The following PEAK1 variants were observed in gnomAD, a reference collection of about 807,000 sequenced individuals.
The protein encoded by PEAK1 is pseudopodium enriched atypical kinase 1.
PEAK1 carries 54 observed loss-of-function variants against 124.7 expected under a neutral mutation model. The observed-to-expected ratio is 0.43, with a 90% CI of 0.35 to 0.54. The LOEUF is 0.54. Ranked by LOEUF, PEAK1 falls within the 20% of genes least tolerant of loss-of-function variation. PEAK1 has a pLI of 0.01. For synonymous variants in PEAK1, 719 were observed against 760.0 expected (o/e 0.95, Z 0.89); for missense variants, 2,046 against 2,134.5 (o/e 0.96, Z 0.82).
At chr15:77,413,960 C>G (rs942146436) in intron 1 of PEAK1, among the ~76,000 whole-genome samples, 2 of 151,168 alleles carry the variant, frequency 1.3e-5, no homozygotes, top group African/African-American at 2.4e-5. Context: ...AGTAGCTAGG[C>G]CCACAGGCAC....
At chr15:77,132,012 C>T (rs1039158351) in intron 9 of PEAK1, among the ~76,000 whole-genome samples, 3 of 152,146 alleles carry the variant, frequency 2.0e-5, no homozygotes, top group Non-Finnish European at 2.9e-5. Context: ...AAGACAGAAA[C>T]ATGCAGTGAA....
In PEAK1 at chr15:77,180,411, T is replaced by A. The variant is rs763313941; in HGVS notation, c.1516A>T (p.Asn506Tyr). The A allele has an allele frequency of 2.5e-6, 4 of 1,613,940 alleles. No homozygotes were observed. The African/African-American group carries it at 5.3e-5, about 22-fold the overall frequency. The change falls in exon 7 of 10, where the codon AAC becomes TAC. Residue 506 changes from asparagine (N) to tyrosine (Y), a missense_variant. Asn to Tyr is a moderately radical substitution (Grantham distance 143). Coordinates refer to ENST00000682557, the MANE Select transcript of PEAK1 (RefSeq NM_001385026.1). ...AATGAAGATGATGTAACTGGAGAGT[T>A]TGGAGTAGAGGATGAGCTTTTTGTC... ...PKTKSSSSTP[N>Y]SPVTSSSLTP... is the part of the protein sequence containing the mutation.
At chr15:77,343,123 CTTG>C (rs982899991) in intron 2 of PEAK1, among the ~76,000 whole-genome samples, 1 of 152,188 alleles carries the variant, frequency 6.6e-6, no homozygotes, top group African/African-American at 2.4e-5. Context: ...CTTGCCAATA[CTTG>C]TTTTCTGTTT....
At chr15:77,291,716 G>A (rs2063219565) in intron 2 of PEAK1, among the ~76,000 whole-genome samples, 1 of 152,026 alleles carries the variant, frequency 6.6e-6, no homozygotes, top group Non-Finnish European at 1.5e-5. Context: ...GGTGGCTCAC[G>A]CCTGTAATCC....
intron 7 of PEAK1, among the ~76,000 whole-genome samples, chr15:77,169,876 G>T (rs2056384436): frequency 6.6e-6 from 1 of 152,144 alleles, no homozygotes; most frequent in African/African-American, 2.4e-5. Context: ...ACCAAGAAGG[G>T]AAGAGTTGTG....
At chr15:77,321,415 G>A (rs958070930) in intron 2 of PEAK1, among the ~76,000 whole-genome samples, 2 of 152,220 alleles carry the variant, frequency 1.3e-5, no homozygotes, top group African/African-American at 2.4e-5. Flanking sequence ...GGCCAGTGAT[G>A]ATGGGCATTT....
At chr15:77,238,263 T>C (rs1411980180) in intron 6 of PEAK1, among the ~76,000 whole-genome samples, 1 of 152,166 alleles carries the variant, frequency 6.6e-6, no homozygotes, top group African/African-American at 2.4e-5. Flanking sequence ...TATCCCACTA[T>C]CTTTTTGCAT....
intron 2 of PEAK1, among the ~76,000 whole-genome samples, chr15:77,322,371 T>C (rs1441518035): frequency 6.6e-6 from 1 of 152,138 alleles, no homozygotes; most frequent in Non-Finnish European, 1.5e-5. Context: ...ACAAAATTGA[T>C]AGACCGCTAG....
At position 77,360,775 on chromosome 15, in the gene PEAK1, T is replaced by C. The variant is rs192628285; in HGVS notation, c.-603+4388A>G. On this transcript the variant is annotated intron_variant, in intron 2 of 9. Coordinates refer to ENST00000682557, the MANE Select transcript of PEAK1 (RefSeq NM_001385026.1). Reference sequence around the variant, plus strand: ...AATGTAAATATACATTTATATTATATGTAATATAAATAAACATATATATAC... The same window carrying C: ...AATGTAAATATACATTTATATTATACGTAATATAAATAAACATATATATAC... Among the ~76,000 whole-genome samples, 13 of 151,826 alleles carry C rather than the reference T, an allele frequency of 8.6e-5. No individual in the cohort carries two copies. In the South Asian group the frequency reaches 1.2e-3, roughly 15 times the overall value.
chr15:77,409,299 T>C (rs1449073050), intron 1 of PEAK1, among the ~76,000 whole-genome samples: 2 of 152,242 alleles, frequency 1.3e-5, no homozygotes, highest in Non-Finnish European at 2.9e-5. Context: ...CATGATACTA[T>C]GCTTCAGGCA....
intron 5 of PEAK1, among the ~76,000 whole-genome samples, chr15:77,253,754 T>C (rs889085707): frequency 6.6e-6 from 1 of 152,200 alleles, no homozygotes; most frequent in Non-Finnish European, 1.5e-5. Context: ...TCAGTAATAT[T>C]ATTGCTATCC....
In PEAK1 at chr15:77,132,991, T is replaced by C. The variant is rs778601904; in HGVS notation, c.4077+14A>G. On this transcript the variant is annotated intron_variant, in intron 9 of 9. Coordinates refer to ENST00000682557, the MANE Select transcript of PEAK1 (RefSeq NM_001385026.1). ...TGGTTAAGACTTAACATGAGATTTA[T>C]AATATTTTCTTACCTTGACTGCATA... The C allele has an allele frequency of 1.8e-5, 28 of 1,593,416 alleles. No homozygotes were observed. The highest frequency in any genetic ancestry group is 2.2e-5 in the Non-Finnish European group (26 of 1,166,060).
chr15:77,420,779 T>C (rs569174752), upstream of PEAK1: 23 of 398,326 alleles, frequency 5.8e-5, no homozygotes, highest in South Asian at 5.1e-4. Context: ...ACCGGAGCAA[T>C]TGTAAATGCT....
intron 1 of PEAK1, among the ~76,000 whole-genome samples, chr15:77,384,190 C>CA (rs35915780): frequency 0.087 from 12,007 of 138,284 alleles, 552 homozygotes; most frequent in Non-Finnish European, 0.11. Flanking sequence ...AAATTTAGTG[C>CA]AAAAAAAAAA....
intron 2 of PEAK1, among the ~76,000 whole-genome samples, chr15:77,289,707 A>AG (rs2063115442): frequency 6.6e-6 from 1 of 152,020 alleles, no homozygotes; most frequent in African/African-American, 2.4e-5. Context: ...ATGGTGGCAC[A>AG]AGCCTGTAAT....
At chr15:77,248,162 G>A (rs756228233) in intron 6 of PEAK1, among the ~76,000 whole-genome samples, 11 of 151,816 alleles carry the variant, frequency 7.2e-5, no homozygotes, top group Non-Finnish European at 1.5e-4. Context: ...TTCTCATAGT[G>A]CTGGGATTAC....
intron 2 of PEAK1, among the ~76,000 whole-genome samples, chr15:77,316,942 G>A (rs1032696365): frequency 4.6e-5 from 7 of 152,012 alleles, no homozygotes; most frequent in Non-Finnish European, 8.8e-5. Flanking sequence ...TTAGCTGGGC[G>A]TGGTGGCGTG....
At chr15:77,187,619 G>A (rs973528101) in intron 6 of PEAK1, among the ~76,000 whole-genome samples, 1 of 152,180 alleles carries the variant, frequency 6.6e-6, no homozygotes, top group African/African-American at 2.4e-5. Flanking sequence ...AGGAGAATCT[G>A]TTAATAATAA....
Position 77,181,304 on chromosome 15 carries a change from T to C in PEAK1, c.623A>G (p.His208Arg), listed in dbSNP as rs776796075. 1.7e-5 allele frequency: 28 copies of C among 1,614,022 alleles called. No individual in the cohort carries two copies. In the Admixed American group the frequency reaches 4.0e-4, roughly 23 times the overall value. The change falls in exon 7 of 10, where the codon CAT (histidine) becomes CGT (arginine). Residue 208 changes from histidine (H) to arginine (R), a missense_variant. Physicochemically the swap from His to Arg is conservative, Grantham distance 29. Coordinates refer to ENST00000682557, the MANE Select transcript of PEAK1 (RefSeq NM_001385026.1). ...TTCTGTGCTCCCACTCAGAATAACA[T>C]GCTTGCCCTGAGTTTCCTTTATCCC... ...IGGIKETQGK[H>R]VILSGSTEVI...
Sources: allele counts gnomAD v4.1 joint callset (sites outside exome capture counted in the v4.1 genomes callset), GRCh38; gene constraint gnomAD v4.1.1; transcripts MANE v1.5; gene names NCBI Gene and HGNC (gene_info 2026-07-23, HGNC 2026-07-21).